The following FMNL2 variants were observed in gnomAD, a reference collection of about 807,000 sequenced individuals.
The protein encoded by FMNL2 is formin-like protein 2.
FMNL2 carries 51 observed loss-of-function variants against 130.2 expected under a neutral mutation model. That is an observed-to-expected ratio of 0.39 (90% confidence interval 0.31 to 0.49). The LOEUF is 0.49. FMNL2 is among the 20% of genes least tolerant of loss of function. The pLI is 0.85. For synonymous variants in FMNL2, 465 were observed against 467.1 expected (o/e 1.00, Z 0.06); for missense variants, 977 against 1,316.2 (o/e 0.74, Z 3.99).
At chr2:152,530,506 T>C (rs1256874552) in intron 2 of FMNL2, among the ~76,000 whole-genome samples, 2 of 152,312 alleles carry the variant, frequency 1.3e-5, no homozygotes, top group Middle Eastern at 3.4e-3. Context: ...CATACAATTG[T>C]AGCTTCTCCA....
chr2:152,454,366 AATCTTT>A (rs1688834550), intron 1 of FMNL2, among the ~76,000 whole-genome samples: 1 of 152,150 alleles, frequency 6.6e-6, no homozygotes, highest in Admixed American at 6.5e-5. Flanking sequence ...TTATTTTCTT[AATCTTT>A]ATTTTTTCTC....
chr2:152,412,468 ATATATATATAT>A (rs1686362319), intron 1 of FMNL2, among the ~76,000 whole-genome samples: 2 of 17,960 alleles, frequency 1.1e-4, no homozygotes, highest in African/African-American at 1.6e-4. Context: ...ATATATATAT[ATATATATATAT>A]ATATATATAT....
rs375946994 is a variant in FMNL2 at position 152,647,873 on chromosome 2, C to G, written c.3247C>G (p.Arg1083Gly). 1.9e-6 allele frequency: 3 copies of G among 1,613,750 alleles called. No homozygotes were observed. Among genetic ancestry groups the G allele is most frequent in the South Asian group, 1.1e-5 (1 of 91,066 alleles). Reference protein sequence around the residue: ...VRRRFDDQNLRSVNGAEITM With the variant: ...VRRRFDDQNLGSVNGAEITM The stretch of plus-strand genomic sequence containing the variant: ...GCGGCGCTTTGATGATCAGAACTTG[C>G]GTTCTGTTAATGGTGCCGAAATAAC... Residue 1083 changes from arginine to glycine, a missense_variant, in exon 26 of 26, where the codon CGT becomes GGT. Around this residue, in one of 4 missense-constraint regions of FMNL2, gnomAD observed 168 missense variants for 168.8 expected, o/e 1.00. Transcript: ENST00000288670.
chr2:152,644,511 G>GTAGA (rs1683370927), intron 25 of FMNL2, among the ~76,000 whole-genome samples: 1 of 152,178 alleles, frequency 6.6e-6, no homozygotes, highest in Non-Finnish European at 1.5e-5. Flanking sequence ...GCTTGTATAT[G>GTAGA]TAGATATAGG....
At chr2:152,519,747 A>G (rs1161272612) in intron 1 of FMNL2, among the ~76,000 whole-genome samples, 1 of 152,240 alleles carries the variant, frequency 6.6e-6, no homozygotes, top group Non-Finnish European at 1.5e-5. Flanking sequence ...CATGCTTATT[A>G]TGAGTATTAA....
chr2:152,490,166 C>T lies in FMNL2; in HGVS notation c.118-31777C>T, dbSNP rs115552454. On this transcript the variant is annotated intron_variant, in intron 1 of 25. Transcript: ENST00000288670. ...GTTAATTTCGCCATGGTAGAGGTGA[C>T]GGGGAAACTTGCAAAAAAAGGGGAA... 4.3e-3 allele frequency among the ~76,000 whole-genome samples: 651 copies of T among 151,104 alleles called. 3 individuals carry two copies. The highest frequency in any genetic ancestry group is 7.2e-3 in the Non-Finnish European group (489 of 67,910).
At chr2:152,359,151 C>G (rs1281730257) in intron 1 of FMNL2, among the ~76,000 whole-genome samples, 1 of 152,134 alleles carries the variant, frequency 6.6e-6, no homozygotes, top group Non-Finnish European at 1.5e-5. Context: ...TAGTTGCCAT[C>G]CATTTTAAAC....
Position 152,607,380 on chromosome 2 carries a change from T to A in FMNL2, c.918T>A (p.His306Gln). 6.2e-7 allele frequency: 1 copy of A among 1,613,584 alleles called. No homozygotes were observed. The highest frequency in any genetic ancestry group is 2.2e-5 in the East Asian group (1 of 44,838). The change falls in exon 10 of 26, where the codon CAT (histidine) becomes CAA (glutamine). Residue 306 changes from histidine (H) to glutamine (Q), a missense_variant. By Grantham distance (24) the His-to-Gln change is conservative (BLOSUM62 0). Around this residue, in one of 4 missense-constraint regions of FMNL2, gnomAD observed 689 missense variants for 995.9 expected, o/e 0.69. Coordinates refer to ENST00000288670, the MANE Select transcript of FMNL2 (RefSeq NM_052905.4). ...AGCGCTTTGAGAAGTTGATGGAACA[T>A]TTCAGGAATGAAGACAATAACATAG... ...EKQRFEKLME[H>Q]FRNEDNNIDF... is the part of the protein sequence containing the mutation.
intron 1 of FMNL2, among the ~76,000 whole-genome samples, chr2:152,473,420 A>G (rs1282927628): frequency 1.3e-5 from 2 of 152,162 alleles, no homozygotes; most frequent in African/African-American, 2.4e-5. Context: ...GAGACAAACA[A>G]AAAGAGGTTG....
chr2:152,335,713 T>G lies in FMNL2; in HGVS notation c.110T>G (p.Ile37Ser). ...GGTGAACTGGAGGAGCGATTTGCCA[T>G]CGTGCTGGTAAGTGCGCGGCGGCGG... ...EPGELEERFA[I>S]VLNAMNLPPD... Residue 37 changes from isoleucine to serine, a missense_variant, in exon 1 of 26, where the codon ATC becomes AGC. Coordinates refer to ENST00000288670, the MANE Select transcript of FMNL2 (RefSeq NM_052905.4). 6.3e-7 allele frequency: 1 copy of G among 1,579,618 alleles called. No homozygotes were observed. The highest frequency in any genetic ancestry group is 8.6e-7 in the Non-Finnish European group (1 of 1,163,552).
intron 1 of FMNL2, among the ~76,000 whole-genome samples, chr2:152,448,339 T>A (rs1338789607): frequency 6.6e-6 from 1 of 152,202 alleles, no homozygotes; most frequent in African/African-American, 2.4e-5. Context: ...AAGCAACTTT[T>A]AGGGAGTTGC....
Position 152,350,302 on chromosome 2 carries a change from C to T in FMNL2, c.117+14582C>T, listed in dbSNP as rs558062497. 2.0e-5 allele frequency among the ~76,000 whole-genome samples: 3 copies of T among 152,244 alleles called. No homozygotes were observed. In the East Asian group the frequency reaches 5.8e-4, roughly 29 times the overall value. ...CACAGCATATGGGATATACTCAGCC[C>T]AGACAGCTTCAGACCTTGCCCATGG... On this transcript the variant is annotated intron_variant, in intron 1 of 25. Coordinates refer to ENST00000288670, the MANE Select transcript of FMNL2 (RefSeq NM_052905.4).
intron 5 of FMNL2, among the ~76,000 whole-genome samples, chr2:152,559,213 C>T (rs769015653): frequency 1.6e-3 from 237 of 152,274 alleles, no homozygotes; most frequent in Non-Finnish European, 2.1e-3. Flanking sequence ...TTTGCATATG[C>T]TAGTAAGTGC....
rs779074777 is a variant in FMNL2 at position 152,626,578 on chromosome 2, T to C, written c.2016T>C (p.Pro672=). 6.2e-7 allele frequency: 1 copy of C among 1,612,364 alleles called. No homozygotes were observed. Among genetic ancestry groups the C allele is most frequent in the Non-Finnish European group, 8.5e-7 (1 of 1,179,180 alleles). The part of the protein sequence containing the change: ...EEIFKTKAQG[P]AIDLSSSKQK... ...TATTCAAGACAAAAGCCCAAGGACC[T>C]GCCATTGATCTTTCTTCAAGCAAAC... Residue 672 remains proline, a synonymous_variant, in exon 17 of 26, where the codon CCT becomes CCC. Coordinates refer to ENST00000288670, the MANE Select transcript of FMNL2 (RefSeq NM_052905.4).
intron 1 of FMNL2, among the ~76,000 whole-genome samples, chr2:152,421,400 AACAT>A (rs1686914264): frequency 6.6e-6 from 1 of 152,224 alleles, no homozygotes; most frequent in African/African-American, 2.4e-5. Flanking sequence ...GACAATTAAT[AACAT>A]GCAACCGTGT....
intron 1 of FMNL2, among the ~76,000 whole-genome samples, chr2:152,336,378 G>C (rs888997206): frequency 1.3e-5 from 2 of 152,192 alleles, no homozygotes; most frequent in Admixed American, 1.3e-4. Flanking sequence ...ACCTCAGCGC[G>C]TTCCCTCTAG....
chr2:152,645,070 T>C (rs1263580141), intron 25 of FMNL2, among the ~76,000 whole-genome samples: 1 of 152,216 alleles, frequency 6.6e-6, no homozygotes, highest in African/African-American at 2.4e-5. Context: ...CTATCTCTGA[T>C]ATCAAAGGAC....
At chr2:152,614,797 GT>G in intron 11 of FMNL2, 53 bp from the exon 12 acceptor site, 1 of 1,488,318 alleles carries the variant, frequency 6.7e-7, no homozygotes, top group Non-Finnish European at 9.0e-7. Flanking sequence ...AGGAAATGAT[GT>G]TCTATTTCCA....
chr2:152,386,193 A>T (rs1684770512), intron 1 of FMNL2, among the ~76,000 whole-genome samples: 1 of 152,192 alleles, frequency 6.6e-6, no homozygotes, highest in Non-Finnish European at 1.5e-5. Flanking sequence ...AGCACCTTCA[A>T]GGGGGCTATT....
Sources: gnomAD v4.1 joint callset for allele counts (sites outside exome capture counted in the v4.1 genomes callset) on GRCh38, gnomAD v4.1.1 for gene constraint, gnomAD v4.1.1 regional missense constraint, MANE v1.5 for transcripts, NCBI Gene and HGNC (gene_info 2026-07-23, HGNC 2026-07-21) for gene names.